POM121: variants seen among roughly 807,000 people sequenced by gnomAD.
The protein encoded by POM121 is nuclear envelope pore membrane protein POM 121.
A neutral mutation model predicts 81.3 loss-of-function variants in POM121; 32 were observed. The observed-to-expected ratio is 0.39, with a 90% CI of 0.30 to 0.53. The LOEUF (loss-of-function observed/expected upper bound fraction) is 0.53, where lower values mean the gene tolerates loss of function less well. Ranked by LOEUF, POM121 falls within the 20% of genes least tolerant of loss-of-function variation. The pLI is 0.66. For missense variants in POM121, 1,138 were observed against 1,614.6 expected (o/e 0.70, Z 5.06); for synonymous variants, 514 against 694.2 (o/e 0.74, Z 4.08).
intron 4 of POM121, among the ~76,000 whole-genome samples, chr7:72,917,800 C>A (rs1317176527): frequency 4.6e-5 from 7 of 152,188 alleles, no homozygotes; most frequent in Non-Finnish European, 8.8e-5. Flanking sequence ...GGGACCACTA[C>A]CACCAATGCG....
At chr7:72,919,025 T>TG (rs1794556361) in intron 4 of POM121, among the ~76,000 whole-genome samples, 1 of 152,056 alleles carries the variant, frequency 6.6e-6, no homozygotes, top group Non-Finnish European at 1.5e-5. Flanking sequence ...GGTCTCGATC[T>TG]CCTGACCTTG....
chr7:72,935,550 G>C (rs542264790), intron 5 of POM121, among the ~76,000 whole-genome samples: 1 of 151,804 alleles, frequency 6.6e-6, no homozygotes, highest in Admixed American at 6.6e-5. Context: ...TTACAATCTC[G>C]GCTCACTGCA....
At chr7:72,915,308 A>G (rs187486923) in intron 4 of POM121, among the ~76,000 whole-genome samples, 4 of 152,278 alleles carry the variant, frequency 2.6e-5, no homozygotes, top group African/African-American at 7.2e-5. Flanking sequence ...AGTGCCTAGC[A>G]TATTACCTGG....
At chr7:72,881,775 G>A (rs1232890616) in intron 1 of POM121, among the ~76,000 whole-genome samples, 2 of 151,772 alleles carry the variant, frequency 1.3e-5, no homozygotes, top group Non-Finnish European at 2.9e-5. Context: ...GATTACAGGC[G>A]TGCGCCACCA....
chr7:72,914,837 C>G (rs1794147684), intron 4 of POM121, among the ~76,000 whole-genome samples: 1 of 152,166 alleles, frequency 6.6e-6, no homozygotes, highest in Non-Finnish European at 1.5e-5. Flanking sequence ...ACACCTGTTT[C>G]TGCTTCCAGA....
chr7:72,925,253 C>T lies in POM121; in HGVS notation c.132C>T (p.Leu44=), dbSNP rs1438164133. 6.5e-6 allele frequency: 10 copies of T among 1,534,358 alleles called. No individual in the cohort carries two copies. The highest frequency in any genetic ancestry group is 2.4e-5 in the East Asian group (1 of 40,884). Residue 44 remains leucine, a synonymous_variant, in exon 1 of 13, where the codon CTC becomes CTT. Coordinates refer to ENST00000434423, the MANE Select transcript of POM121 (RefSeq NM_001387691.1). ...TCCTGGGCCTGTCGCTGGTTGGCCT[C>T]TTACTGTACCTCGTGCCGGCTGCGG... The part of the protein sequence containing the change: ...AVLLGLSLVG[L]LLYLVPAAAA...
At chr7:72,945,188 C>A (rs564086646) in intron 11 of POM121, among the ~76,000 whole-genome samples, 1 of 152,068 alleles carries the variant, frequency 6.6e-6, no homozygotes, top group Non-Finnish European at 1.5e-5. Context: ...ACAAAAGACG[C>A]GGGACGGACA....
At chr7:72,923,216 C>T (rs1488077978), upstream of POM121, among the ~76,000 whole-genome samples, 1 of 150,188 alleles carries the variant, frequency 6.7e-6, no homozygotes, top group African/African-American at 2.5e-5. Flanking sequence ...ATCTGGAACC[C>T]AAACTGCACT....
intron 3 of POM121, 104 bp downstream of exon 3, chr7:72,927,067 G>T: frequency 6.4e-7 from 1 of 1,553,378 alleles, no homozygotes; most frequent in Non-Finnish European, 8.8e-7. Flanking sequence ...CAGTTTATGA[G>T]CCTTCGTAGG....
chr7:72,942,298 C>A lies in POM121; in HGVS notation c.2305C>A (p.Pro769Thr), dbSNP rs1345170206. 13 of 1,606,492 alleles carry A rather than the reference C, an allele frequency of 8.1e-6. No individual in the cohort carries two copies. Among genetic ancestry groups the A allele is most frequent in the African/African-American group, 1.4e-5 (1 of 70,078 alleles). Residue 769 changes from proline (P) to threonine (T), a missense_variant, in exon 11 of 13, where the codon CCG becomes ACG. Physicochemically the swap from Pro to Thr is conservative, Grantham distance 38 (BLOSUM62 -1). Around this residue, in one of 7 missense-constraint regions of POM121, gnomAD observed 25 missense variants for 229.8 expected, o/e 0.11. Transcript: ENST00000434423. ...SLPTTTSTTA[P>T]TFQPVFSSMG... ...CCCCACGACCACCAGCACCACAGCC[C>A]CGACCTTCCAGCCTGTCTTTAGCAG... is the stretch of plus-strand genomic sequence containing the variant.
chr7:72,944,803 G>A, intron 11 of POM121, among the ~76,000 whole-genome samples: 1 of 152,012 alleles, frequency 6.6e-6, no homozygotes. Context: ...GGGGAGAGGA[G>A]GTCATGGGGG....
intron 3 of POM121, among the ~76,000 whole-genome samples, chr7:72,894,510 G>A (rs1297387596): frequency 2.0e-5 from 3 of 151,732 alleles, no homozygotes; most frequent in Non-Finnish European, 4.4e-5. Flanking sequence ...CCTGGGAGGC[G>A]GAGGTTGCAG....
chr7:72,913,408 T>C (rs554859286), intron 3 of POM121, among the ~76,000 whole-genome samples: 1 of 152,358 alleles, frequency 6.6e-6, no homozygotes, highest in East Asian at 1.9e-4. Context: ...TTACTTTATC[T>C]GGATAAGATT....
chr7:72,918,297 A>G (rs1385866302), intron 4 of POM121, among the ~76,000 whole-genome samples: 1 of 151,950 alleles, frequency 6.6e-6, no homozygotes, highest in Non-Finnish European at 1.5e-5. Context: ...TTTCCTTGAC[A>G]CTTTTCGGTA....
chr7:72,903,424 G>A (rs1415867980), intron 3 of POM121, among the ~76,000 whole-genome samples: 3 of 152,192 alleles, frequency 2.0e-5, no homozygotes, highest in East Asian at 1.9e-4. Context: ...ACGACAGAGC[G>A]AAGACTCCGT....
At chr7:72,919,205 C>CTTTTT (rs782471353) in intron 4 of POM121, among the ~76,000 whole-genome samples, 1 of 111,356 alleles carries the variant, frequency 9.0e-6, no homozygotes, top group Admixed American at 9.6e-5. Flanking sequence ...CATGCCCAGC[C>CTTTTT]TTTTTTTTTT....
chr7:72,919,205 CTT>C (rs782471353), intron 4 of POM121, among the ~76,000 whole-genome samples: 47 of 111,352 alleles, frequency 4.2e-4, no homozygotes, highest in African/African-American at 1.4e-3. Flanking sequence ...CATGCCCAGC[CTT>C]TTTTTTTTTT....
intron 5 of POM121, among the ~76,000 whole-genome samples, chr7:72,934,716 T>TTTG (rs1200321513): frequency 1.3e-4 from 20 of 152,126 alleles, no homozygotes; most frequent in African/African-American, 2.2e-4. Flanking sequence ...GTTGGTGGTT[T>TTTG]TTGTTGTTGT....
rs1797615062 is a variant in POM121, at chr7:72,945,662, G to A, written c.3606G>A (p.Gly1202=). Residue 1202 remains glycine, a synonymous_variant, in exon 12 of 13, where the codon GGG becomes GGA. Coordinates refer to ENST00000434423, the MANE Select transcript of POM121 (RefSeq NM_001387691.1). ...VGTSGSSLSF[G]ASSAPAQGFV... ...CATCAGGCAGCAGCCTCTCCTTTGG[G>A]GCATCCTCAGCACCCGCCCAAGGCT... 1 of 1,612,708 alleles carries A rather than the reference G, an allele frequency of 6.2e-7. No individual in the cohort carries two copies.
Sources: gnomAD v4.1 joint callset for allele counts (sites outside exome capture counted in the v4.1 genomes callset) on GRCh38, gnomAD v4.1.1 for gene constraint, gnomAD v4.1.1 regional missense constraint, MANE v1.5 for transcripts, NCBI Gene and HGNC (gene_info 2026-07-23, HGNC 2026-07-21) for gene names.